Variants in TNRC6C observed in about 807,000 individuals in gnomAD.
TNRC6C encodes the protein trinucleotide repeat-containing gene 6C protein.
TNRC6C carries 20 observed loss-of-function variants against 153.7 expected under a neutral mutation model. The ratio of observed to expected loss-of-function variants is 0.13; its 90% CI spans 0.09 to 0.19. TNRC6C has a LOEUF of 0.19. Among genes scored for constraint, TNRC6C ranks in the 10% least tolerant of loss-of-function variants. The probability of loss-of-function intolerance (pLI) is 1.00; values close to 1 mark genes in which losing one functional copy is unlikely to be tolerated. For synonymous variants in TNRC6C, 811 were observed against 841.4 expected, an observed-to-expected ratio of 0.96 and a Z score of 0.63; for missense variants, 1,987 against 2,172.0, an observed-to-expected ratio of 0.91 and a Z score of 1.69.
chr17:78,015,617 A>G (rs1303733593), intron 1 of TNRC6C, among the ~76,000 whole-genome samples: 1 of 152,206 alleles, frequency 6.6e-6, no homozygotes, highest in Non-Finnish European at 1.5e-5. Flanking sequence ...GGAAGATTTA[A>G]ATGTACTACT....
chr17:77,977,994 C>G (rs959951535), intron 1 of TNRC6C, among the ~76,000 whole-genome samples: 4 of 146,454 alleles, frequency 2.7e-5, no homozygotes, highest in African/African-American at 1.0e-4. Flanking sequence ...CTCCCAGGTT[C>G]ATACCATTCT....
At chr17:77,964,153 A>T (rs981181218) in intron 1 of TNRC6C, among the ~76,000 whole-genome samples, 2 of 152,082 alleles carry the variant, frequency 1.3e-5, no homozygotes, top group African/African-American at 4.8e-5. Context: ...CAAATTTTTA[A>T]TTTTTTTGCA....
upstream of TNRC6C, among the ~76,000 whole-genome samples, chr17:77,958,593 G>C (rs1475460872): frequency 6.6e-6 from 1 of 152,110 alleles, no homozygotes; most frequent in Non-Finnish European, 1.5e-5. Context: ...AGATACGGTG[G>C]GAGTCACGTG....
At chr17:77,988,564 A>G (rs2071205759) in intron 1 of TNRC6C, among the ~76,000 whole-genome samples, 1 of 152,166 alleles carries the variant, frequency 6.6e-6, no homozygotes, top group Non-Finnish European at 1.5e-5. Flanking sequence ...TTATCTGAGC[A>G]TAGAGTCCAC....
chr17:78,020,374 A>G (rs1179721248), intron 1 of TNRC6C, among the ~76,000 whole-genome samples: 7 of 152,220 alleles, frequency 4.6e-5, no homozygotes, highest in Non-Finnish European at 1.5e-5. Flanking sequence ...TGTTTGTAAA[A>G]TAATGTGCTA....
At chr17:78,023,587 T>C (rs2143590426) in intron 1 of TNRC6C, among the ~76,000 whole-genome samples, 1 of 150,320 alleles carries the variant, frequency 6.7e-6, no homozygotes, top group East Asian at 2.0e-4. Context: ...GATAGACTGC[T>C]TGAGTCCAGG....
chr17:78,049,815 G>A lies in TNRC6C; in HGVS notation c.753G>A (p.Leu251=), dbSNP rs1480946388. 1 of 1,610,720 alleles carries A rather than the reference G, an allele frequency of 6.2e-7. No individual in the cohort carries two copies. Among genetic ancestry groups the A allele is most frequent in the East Asian group, 2.2e-5 (1 of 44,874 alleles). The change falls in exon 3 of 20, where the codon CTG becomes CTA. Residue 251 remains leucine, a synonymous_variant. Transcript: ENST00000301624. This position sits in a 1 kb window ranked among gnomAD's most constrained non-coding sequence, Gnocchi z 4.1. ...GAATAAGCAATTCTGTGTGGGGACT[G>A]TCCCCAGGTAACCCTGCCACAGGAA...
At chr17:77,957,865 T>A (rs1008545542), upstream of TNRC6C, among the ~76,000 whole-genome samples, 6 of 152,120 alleles carry the variant, frequency 3.9e-5, no homozygotes, top group African/African-American at 1.4e-4. Flanking sequence ...GGAGGAATCG[T>A]GGGGTGCGTA....
At chr17:78,065,553 T>G (rs2072858857) in intron 4 of TNRC6C, among the ~76,000 whole-genome samples, 1 of 152,142 alleles carries the variant, frequency 6.6e-6, no homozygotes, top group Non-Finnish European at 1.5e-5. Flanking sequence ...CCTGCCACAT[T>G]AAGTAATTTA....
chr17:77,975,798 A>G (rs1277462010), intron 1 of TNRC6C, among the ~76,000 whole-genome samples: 1 of 152,224 alleles, frequency 6.6e-6, no homozygotes, highest in Non-Finnish European at 1.5e-5. Context: ...TTATAAAGTA[A>G]AGGACTTTCT....
exon 15 of TNRC6C, chr17:78,092,956 A>C: frequency 6.2e-7 from 1 of 1,613,838 alleles, no homozygotes. Context: ...AGGTCTAAGC[A>C]TTGGGCCTCC....
At chr17:78,031,840 C>A in exon 2 of TNRC6C, 2 of 1,232,176 alleles carry the variant, frequency 1.6e-6, no homozygotes, top group Non-Finnish European at 1.0e-6. Flanking sequence ...AAGCTCCAAC[C>A]AGGTAAAAAC....
chr17:78,086,909 G>A (rs749333046), exon 13 of TNRC6C: 2 of 1,612,470 alleles, frequency 1.2e-6, no homozygotes, highest in African/African-American at 2.7e-5. Context: ...AGCGCCAGCT[G>A]GCCCAGGCCC....
intron 6 of TNRC6C, among the ~76,000 whole-genome samples, chr17:78,071,814 G>A (rs184490567): frequency 1.8e-4 from 28 of 152,280 alleles, no homozygotes; most frequent in Admixed American, 9.8e-4. Context: ...AAGAAAACTT[G>A]ATGTAAAGTA....
chr17:78,027,982 A>G (rs866056925), intron 1 of TNRC6C, among the ~76,000 whole-genome samples: 1 of 140,540 alleles, frequency 7.1e-6, no homozygotes, highest in African/African-American at 2.7e-5. Context: ...TGCAAGCTCC[A>G]CCTCCCGGGT....
chr17:77,994,807 T>G (rs778765018), intron 1 of TNRC6C, among the ~76,000 whole-genome samples: 3 of 152,202 alleles, frequency 2.0e-5, no homozygotes, highest in Non-Finnish European at 4.4e-5. Flanking sequence ...ATTATTTCAC[T>G]CCATCTGTCA....
intron 2 of TNRC6C, among the ~76,000 whole-genome samples, chr17:78,047,051 G>C (rs988040022): frequency 6.6e-6 from 1 of 152,050 alleles, no homozygotes; most frequent in Non-Finnish European, 1.5e-5. Flanking sequence ...CTGCTTTCTC[G>C]GTGTGGGTTG....
At chr17:77,973,749 G>A (rs903751369) in intron 1 of TNRC6C, among the ~76,000 whole-genome samples, 1 of 152,098 alleles carries the variant, frequency 6.6e-6, no homozygotes, top group Admixed American at 6.5e-5. Flanking sequence ...AACATCAAAA[G>A]CAACTAAATC....
chr17:78,037,560 G>C (rs2072204210), intron 2 of TNRC6C, among the ~76,000 whole-genome samples: 1 of 152,224 alleles, frequency 6.6e-6, no homozygotes, highest in East Asian at 1.9e-4. Flanking sequence ...GGGCAAAGAA[G>C]GTGAAAGGGC....
Sources: gnomAD v4.1 joint callset for allele counts (sites outside exome capture counted in the v4.1 genomes callset) on GRCh38, gnomAD v4.1.1 for gene constraint, Gnocchi (gnomAD v3.1) non-coding constraint, MANE v1.5 for transcripts, NCBI Gene and HGNC (gene_info 2026-07-23, HGNC 2026-07-21) for gene names.